The following PDZK1 variants were observed in gnomAD, a reference collection of about 807,000 sequenced individuals.
The protein encoded by PDZK1 is PDZ domain containing 1.
Under a neutral mutation model 38.1 loss-of-function variants are expected in PDZK1, and 23 were observed. The observed-to-expected ratio is 0.60, with a 90% CI of 0.43 to 0.85. The LOEUF (loss-of-function observed/expected upper bound fraction) is 0.85, where lower values mean the gene tolerates loss of function less well. Among genes scored for constraint, PDZK1 ranks in the 40% least tolerant of loss-of-function variants. PDZK1 has a pLI of 0.00. For missense variants in PDZK1, 297 were observed against 504.3 expected, an observed-to-expected ratio of 0.59 and a Z score of 3.94; for synonymous variants, 98 against 186.2, an observed-to-expected ratio of 0.53 and a Z score of 3.86.
intron 1 of PDZK1, among the ~76,000 whole-genome samples, chr1:145,690,166 G>A (rs1424988735): frequency 6.6e-6 from 1 of 152,166 alleles, no homozygotes; most frequent in Non-Finnish European, 1.5e-5. Context: ...GGCATCACCA[G>A]AGTTGAGTCA....
chr1:145,683,572 G>A (rs1654462462), intron 3 of PDZK1, among the ~76,000 whole-genome samples: 1 of 152,158 alleles, frequency 6.6e-6, no homozygotes, highest in South Asian at 2.1e-4. Flanking sequence ...TAGAAATGCT[G>A]TCAATTCTTC....
intron 4 of PDZK1, among the ~76,000 whole-genome samples, chr1:145,681,450 ATTTTTTTTTTTTTAT>A (rs1309179019): frequency 7.0e-6 from 1 of 142,642 alleles, no homozygotes; most frequent in Non-Finnish European, 1.5e-5. Context: ...ACCTGGCTAA[ATTTTTTTTTTTTTAT>A]TTTTAGTGGA....
intron 3 of PDZK1, among the ~76,000 whole-genome samples, chr1:145,682,959 A>G: frequency 6.6e-6 from 1 of 152,134 alleles, no homozygotes. Flanking sequence ...GCTGTCCAAG[A>G]CCATGCTTCT....
chr1:145,685,828 G>A (rs191058843), intron 3 of PDZK1, among the ~76,000 whole-genome samples: 1 of 152,276 alleles, frequency 6.6e-6, no homozygotes, highest in East Asian at 1.9e-4. Flanking sequence ...TAGAACTTCT[G>A]GTGCTTCCTG....
In PDZK1 at chr1:145,688,043, T is replaced by G; in HGVS notation, c.-2-20A>C. On this transcript the variant is annotated intron_variant, in intron 1 of 8. Transcript: ENST00000417171. ...TCATTTCTGTGATGAAAAAAATAAATTAATAAAACCATGGAAAAGAGAATC... is the reference window on the plus strand; with the variant it reads ...TCATTTCTGTGATGAAAAAAATAAAGTAATAAAACCATGGAAAAGAGAATC... 1 of 1,587,064 alleles carries G rather than the reference T, an allele frequency of 6.3e-7. No individual in the cohort carries two copies. Among genetic ancestry groups the G allele is most frequent in the Non-Finnish European group, 8.7e-7 (1 of 1,155,918 alleles).
rs1654924124 is a variant in PDZK1, at chr1:145,687,839, G to T, written c.183C>A (p.Val61=). The part of the protein sequence containing the change: ...DGDRVLRING[V]FVDKEEHMQV... ...GCATATGTTCTTCTTTGTCCACAAA[G>T]ACACCATTGATCCTAAGAACTCTGT... Residue 61 remains valine, a synonymous_variant, in exon 2 of 9, where the codon GTC becomes GTA. Transcript: ENST00000417171. The T allele has an allele frequency of 6.2e-7, 1 of 1,613,830 alleles. No homozygotes were observed. The highest frequency in any genetic ancestry group is 1.3e-5 in the African/African-American group (1 of 74,898).
intron 3 of PDZK1, 135 bp from the exon 4 acceptor site, chr1:145,682,771 G>C: frequency 8.4e-7 from 1 of 1,186,072 alleles, no homozygotes; most frequent in East Asian, 2.5e-5. Flanking sequence ...ACTGTCCCTA[G>C]TCTAAGAACA....
In PDZK1 at chr1:145,703,453, T is replaced by C. The variant is rs899932755; in HGVS notation, c.-3+3864A>G. On this transcript the variant is annotated intron_variant, in intron 1 of 8. Coordinates refer to ENST00000417171, the MANE Select transcript of PDZK1 (RefSeq NM_001201325.2). ...CTTTTTATGGGTTCTGATTCAATCC[T>C]GATGGGCCATTTTACAAGGAAAAAG... 2.6e-5 allele frequency among the ~76,000 whole-genome samples: 4 copies of C among 152,160 alleles called. No individual in the cohort carries two copies. In the East Asian group the frequency reaches 5.8e-4, roughly 22 times the overall value.
chr1:145,701,715 G>A (rs370705359), intron 1 of PDZK1, among the ~76,000 whole-genome samples: 23 of 152,128 alleles, frequency 1.5e-4, no homozygotes, highest in African/African-American at 4.3e-4. Context: ...ACAGAGCCTT[G>A]GCACATGCTG....
At chr1:145,683,353 G>A (rs1442001465) in intron 3 of PDZK1, among the ~76,000 whole-genome samples, 24 of 151,230 alleles carry the variant, frequency 1.6e-4, no homozygotes, top group Non-Finnish European at 2.8e-4. Flanking sequence ...GCTAAAACAT[G>A]CCCACACTGC....
intron 1 of PDZK1, among the ~76,000 whole-genome samples, chr1:145,689,379 G>A (rs940521672): frequency 5.9e-5 from 9 of 152,166 alleles, no homozygotes; most frequent in Non-Finnish European, 1.3e-4. Flanking sequence ...TGCCTGGCCT[G>A]AAGCAGCTTC....
Position 145,692,626 on chromosome 1 carries a change from G to A in PDZK1, c.-2-4603C>T, listed in dbSNP as rs982795107. On this transcript the variant is annotated intron_variant, in intron 1 of 8. Coordinates refer to ENST00000417171, the MANE Select transcript of PDZK1 (RefSeq NM_001201325.2). ...CTCGGGAGGCTGGGGAAGGGGAATC[G>A]CTTGGACCTGGGGGGCAGAGGTTGC... 9.8e-4 allele frequency among the ~76,000 whole-genome samples: 148 copies of A among 151,774 alleles called. 2 individuals are homozygous for A. The highest frequency in any genetic ancestry group is 2.2e-4 in the Non-Finnish European group (15 of 67,980).
At chr1:145,699,809 A>G (rs1022255784) in intron 1 of PDZK1, among the ~76,000 whole-genome samples, 3 of 152,176 alleles carry the variant, frequency 2.0e-5, no homozygotes, top group Non-Finnish European at 2.9e-5. Flanking sequence ...AGCCAAACCT[A>G]GTTTTTAATC....
intron 1 of PDZK1, among the ~76,000 whole-genome samples, chr1:145,690,689 A>AC (rs1655172619): frequency 6.6e-6 from 1 of 152,174 alleles, no homozygotes; most frequent in African/African-American, 2.4e-5. Flanking sequence ...CTGCAGTGTC[A>AC]ACCACAAACT....
At chr1:145,701,875 A>C (rs143583388) in intron 1 of PDZK1, among the ~76,000 whole-genome samples, 1 of 152,254 alleles carries the variant, frequency 6.6e-6, no homozygotes, top group Non-Finnish European at 1.5e-5. Context: ...TATGCAGATC[A>C]TATTTAAGGC....
chr1:145,690,016 G>A lies in PDZK1; in HGVS notation c.-2-1993C>T, dbSNP rs1553702841. Among the ~76,000 whole-genome samples the A allele has an allele frequency of 2.0e-5, 3 of 152,174 alleles. 1 individual carries two copies. Among genetic ancestry groups the A allele is most frequent in the South Asian group, 4.2e-4 (2 of 4,818 alleles). On this transcript the variant is annotated intron_variant, in intron 1 of 8. Coordinates refer to ENST00000417171, the MANE Select transcript of PDZK1 (RefSeq NM_001201325.2). ...GAAGCAAACAAATAGACTCCCCATC[G>A]AGCATTGAGGCAAGAAAACAGCAAA...
intron 8 of PDZK1, 37 bp from the exon 9 acceptor site, chr1:145,671,526 A>G: frequency 2.3e-6 from 3 of 1,325,000 alleles, no homozygotes; most frequent in Non-Finnish European, 3.2e-6. Context: ...CAAATGGTAG[A>G]GTAATGAAAG....
chr1:145,671,753 T>A, intron 8 of PDZK1: 1 of 389,392 alleles, frequency 2.6e-6, no homozygotes, highest in African/African-American at 2.1e-5. Context: ...TACACTTGAT[T>A]GTTTTCAACT....
chr1:145,676,206 A>G (rs1166808997), intron 6 of PDZK1: 1 of 982,478 alleles, frequency 1.0e-6, no homozygotes, highest in Non-Finnish European at 1.2e-6. Flanking sequence ...TTTTTCGATC[A>G]AAGTTCTCTA....
Sources: gnomAD v4.1 joint callset for allele counts (sites outside exome capture counted in the v4.1 genomes callset) on GRCh38, gnomAD v4.1.1 for gene constraint, MANE v1.5 for transcripts, NCBI Gene and HGNC (gene_info 2026-07-23, HGNC 2026-07-21) for gene names.